Variants in ATAD2 observed in about 807,000 individuals in gnomAD.
ATAD2 encodes ATPase family AAA domain-containing protein 2.
A neutral mutation model predicts 168.9 loss-of-function variants in ATAD2; 62 were observed. The ratio of observed to expected loss-of-function variants is 0.37; its 90% CI spans 0.30 to 0.45. The LOEUF is 0.45. ATAD2 is among the 20% of genes least tolerant of loss of function. The pLI, the probability that ATAD2 is intolerant of heterozygous loss-of-function variation, is 1.00. For missense variants in ATAD2, 1,419 were observed against 1,667.8 expected, an observed-to-expected ratio of 0.85 and a Z score of 2.60; for synonymous variants, 613 against 571.6, an observed-to-expected ratio of 1.07 and a Z score of -1.03.
intron 1 of ATAD2, among the ~76,000 whole-genome samples, chr8:123,381,830 C>A (rs1829502564): frequency 6.6e-6 from 1 of 152,164 alleles, no homozygotes; most frequent in South Asian, 2.1e-4. Context: ...CACTTGAGGT[C>A]AGGAGCTTGA....
chr8:123,356,649 A>G (rs1321340347), intron 12 of ATAD2, among the ~76,000 whole-genome samples, 172 bp from the exon 13 acceptor site: 2 of 151,370 alleles, frequency 1.3e-5, no homozygotes, highest in African/African-American at 4.8e-5. Flanking sequence ...GAATTTATAT[A>G]TAATTTTTTT....
chr8:123,340,512 T>G (rs781392564), intron 19 of ATAD2, among the ~76,000 whole-genome samples: 88 of 152,326 alleles, frequency 5.8e-4, no homozygotes, highest in Non-Finnish European at 1.1e-3. Context: ...GTATTTGTAC[T>G]CCAGTAATCA....
At position 123,371,750 on chromosome 8, in the gene ATAD2, A is replaced by T; in HGVS notation, c.456T>A (p.Val152=). 2.5e-6 allele frequency: 4 copies of T among 1,613,736 alleles called. No individual in the cohort carries two copies. Among genetic ancestry groups the T allele is most frequent in the Non-Finnish European group, 3.4e-6 (4 of 1,179,816 alleles). The change falls in exon 4 of 28, where the codon GTT becomes GTA. Residue 152 remains valine (V), a synonymous_variant. Coordinates refer to ENST00000287394, the MANE Select transcript of ATAD2 (RefSeq NM_014109.4). The part of the protein sequence containing the change: ...TEHLHEDNGD[V]EVRRSCRIRS... ...TAATCCTACAACTTCGACGCACTTC[A>T]ACATCACCATTATCTTCATGTAAGT...
At chr8:123,339,091 G>A (rs187390979) in intron 20 of ATAD2, among the ~76,000 whole-genome samples, 2 of 152,262 alleles carry the variant, frequency 1.3e-5, no homozygotes, top group East Asian at 3.9e-4. Context: ...CCCAAAATGA[G>A]CTTAGAAAGA....
intron 26 of ATAD2, 103 bp downstream of exon 26, chr8:123,325,790 T>C: frequency 2.8e-6 from 4 of 1,446,562 alleles, no homozygotes; most frequent in Non-Finnish European, 3.7e-6. Flanking sequence ...AAGTTTTACT[T>C]TTTCATGTAA....
intron 14 of ATAD2, 21 bp downstream of exon 14, chr8:123,349,260 AATTT>A: frequency 6.3e-7 from 1 of 1,599,390 alleles, no homozygotes; most frequent in Non-Finnish European, 8.5e-7. Context: ...ATTTTGTCAA[AATTT>A]GAGTGACATT....
rs377002172 is a variant in ATAD2, at chr8:123,328,300, T to C, written c.3758A>G (p.Glu1253Gly). The C allele has an allele frequency of 2.7e-5, 44 of 1,604,544 alleles. No homozygotes were observed. Among genetic ancestry groups the C allele is most frequent in the Non-Finnish European group, 3.6e-5 (42 of 1,176,736 alleles). ...ACATGCTGTAGTCTTCCTAGAGTCT[T>C]CAAGCTCATTCTCTATATTACAAGT... ...SNTCNIENEL[E>G]DSRKTTACTE... is the part of the protein sequence containing the mutation. The change falls in exon 25 of 28, where the codon GAA becomes GGA. Residue 1253 changes from glutamate to glycine, a missense_variant. Glu to Gly is a moderately conservative substitution (Grantham distance 98). This residue lies in a region of ATAD2 where 303 missense variants were observed against 304.3 expected (regional missense o/e 1.00). Transcript: ENST00000287394.
At chr8:123,355,329 A>G (rs10101183) in intron 13 of ATAD2, among the ~76,000 whole-genome samples, 102 of 152,350 alleles carry the variant, frequency 6.7e-4, no homozygotes, top group African/African-American at 2.4e-3. Flanking sequence ...CATATATGAA[A>G]GTATGCAAAT....
Position 123,381,618 on chromosome 8 carries a change from T to C in ATAD2, c.172-941A>G, listed in dbSNP as rs1023460078. Among the ~76,000 whole-genome samples the C allele has an allele frequency of 3.3e-5, 5 of 152,228 alleles. No homozygotes were observed. The East Asian group carries it at 5.8e-4, about 18-fold the overall frequency. Reference sequence around the variant, plus strand: ...ATAAATAGACTAGAGGCTAAGTTAATGGGCTGCTTTATGAGCTAGAGGTTC... The same window carrying C: ...ATAAATAGACTAGAGGCTAAGTTAACGGGCTGCTTTATGAGCTAGAGGTTC... On this transcript the variant is annotated intron_variant, in intron 1 of 27. Coordinates refer to ENST00000287394, the MANE Select transcript of ATAD2 (RefSeq NM_014109.4).
At chr8:123,379,967 A>G (rs1350060499) in intron 2 of ATAD2, among the ~76,000 whole-genome samples, 1 of 149,188 alleles carries the variant, frequency 6.7e-6, no homozygotes, top group Non-Finnish European at 1.5e-5. Context: ...GCTCACTGCA[A>G]CCTCCACCTC....
At position 123,402,041 on chromosome 8, in the gene ATAD2, C is replaced by A; in HGVS notation, c.-2281-866G>T. On this transcript the variant is annotated intron_variant, in intron 1 of 28. Coordinates refer to the ATAD2 transcript ENST00000521903. This position sits in a 1 kb window ranked among gnomAD's most constrained non-coding sequence, Gnocchi z 4.8. ...CTCAGGAGAGCTCAAGTTTGAGAAG[C>A]GTACCATGTCGGCCCAGATTGAGGG... The A allele has an allele frequency of 2.0e-6, 3 of 1,504,878 alleles. No individual in the cohort carries two copies. Among genetic ancestry groups the A allele is most frequent in the Non-Finnish European group, 2.8e-6 (3 of 1,085,924 alleles). The allele number at this position is 1,504,878 out of a possible 1,614,324, so 93.2% of individuals were successfully genotyped here. A position where few individuals can be genotyped will look rare whatever the true frequency, so the allele number is the denominator to read the frequency against.
intron 13 of ATAD2, among the ~76,000 whole-genome samples, chr8:123,350,604 T>A (rs1175735665): frequency 6.6e-6 from 1 of 152,222 alleles, no homozygotes; most frequent in Non-Finnish European, 1.5e-5. Context: ...CTGGGTCGTT[T>A]GGCTTGTAGA....
chr8:123,359,555 T>G, intron 10 of ATAD2, 22 bp downstream of exon 10: 1 of 1,559,634 alleles, frequency 6.4e-7, no homozygotes, highest in Non-Finnish European at 8.8e-7. Flanking sequence ...TTCAAGCATA[T>G]GTTTCAAAAC....
chr8:123,393,921 T>TA (rs1812710951), intron 1 of ATAD2, among the ~76,000 whole-genome samples: 3 of 151,914 alleles, frequency 2.0e-5, no homozygotes, highest in East Asian at 1.9e-4. Flanking sequence ...TGTCTCAAAA[T>TA]AATAAATAAA....
intron 25 of ATAD2, 93 bp downstream of exon 25, chr8:123,328,097 G>A: frequency 9.3e-7 from 1 of 1,073,480 alleles, no homozygotes. Context: ...TGAAAGGCAA[G>A]CAAAAAGCAA....
In ATAD2 at chr8:123,345,020, T is replaced by G. The variant is rs1320116554; in HGVS notation, c.2582A>C (p.His861Pro). The G allele has an allele frequency of 6.2e-7, 1 of 1,614,138 alleles. No homozygotes were observed. Among genetic ancestry groups the G allele is most frequent in the Admixed American group, 1.7e-5 (1 of 60,030 alleles). ...AACTATTTCCCACCACACGTGGATA[T>G]GAGGAACATACACTATACTTGGTGC... Reference protein sequence around the residue: ...RTAPSIVYVPHIHVWWEIVGP... With the variant: ...RTAPSIVYVPPIHVWWEIVGP... Residue 861 changes from histidine (H) to proline (P), a missense_variant, in exon 19 of 28, where the codon CAT becomes CCT. Physicochemically the swap from His to Pro is moderately conservative, Grantham distance 77. Transcript: ENST00000287394.
chr8:123,401,108 T>TG, upstream of ATAD2: 2 of 1,453,822 alleles, frequency 1.4e-6, no homozygotes, highest in South Asian at 2.3e-5. Context: ...CTCAGTGAGG[T>TG]GATGATGCCA....
chr8:123,381,406 T>C (rs774357250), intron 1 of ATAD2, among the ~76,000 whole-genome samples: 2 of 151,912 alleles, frequency 1.3e-5, no homozygotes, highest in Non-Finnish European at 2.9e-5. Flanking sequence ...TAGGCTGAAA[T>C]GGGAGGATGA....
chr8:123,410,993 T>C (rs1813146353), intron 1 of ATAD2, among the ~76,000 whole-genome samples: 1 of 152,232 alleles, frequency 6.6e-6, no homozygotes, highest in Admixed American at 6.5e-5. Context: ...CGGCTTCTAA[T>C]GGAGCTATAA....
Sources: allele counts gnomAD v4.1 joint callset (sites outside exome capture counted in the v4.1 genomes callset), GRCh38; gene constraint gnomAD v4.1.1; regional missense constraint gnomAD v4.1.1; non-coding constraint Gnocchi (gnomAD v3.1); transcripts MANE v1.5; gene names NCBI Gene and HGNC (gene_info 2026-07-23, HGNC 2026-07-21).